The following FMN1 variants were observed in gnomAD, a reference collection of about 807,000 sequenced individuals.
FMN1 encodes the protein formin 1, also known as formin-1.
FMN1 carries 110 observed loss-of-function variants against 132.4 expected under a neutral mutation model. The observed-to-expected ratio is 0.83, with a 90% CI of 0.71 to 0.97. The LOEUF (loss-of-function observed/expected upper bound fraction) is 0.97, where lower values mean the gene tolerates loss of function less well. Among genes scored for constraint, FMN1 ranks in the 50% least tolerant of loss-of-function variants. The pLI is 0.00. For synonymous variants in FMN1, 722 were observed against 651.7 expected, an observed-to-expected ratio of 1.11 and a Z score of -1.64; for missense variants, 1,792 against 1,705.3, an observed-to-expected ratio of 1.05 and a Z score of -0.90.
At chr15:32,894,962 C>T (rs966555256) in intron 15 of FMN1, among the ~76,000 whole-genome samples, 1 of 152,124 alleles carries the variant, frequency 6.6e-6, no homozygotes, top group African/African-American at 2.4e-5. Flanking sequence ...ACTATATTCT[C>T]TCCTATACAC....
At chr15:32,845,279 A>C (rs1424498815) in intron 17 of FMN1, among the ~76,000 whole-genome samples, 2 of 152,202 alleles carry the variant, frequency 1.3e-5, no homozygotes, top group Non-Finnish European at 2.9e-5. Flanking sequence ...TGCAGAGCTC[A>C]ATACTGATTC....
intron 6 of FMN1, among the ~76,000 whole-genome samples, chr15:33,033,093 C>T (rs974634777): frequency 3.3e-5 from 5 of 151,894 alleles, no homozygotes; most frequent in Admixed American, 1.3e-4. Flanking sequence ...TGCAGTGGTA[C>T]GATCTCGGCT....
At chr15:32,891,043 G>A (rs1442403982) in intron 15 of FMN1, among the ~76,000 whole-genome samples, 1 of 152,146 alleles carries the variant, frequency 6.6e-6, no homozygotes, top group African/African-American at 2.4e-5. Flanking sequence ...AGATCAGTTG[G>A]CTGTAAGTAT....
intron 16 of FMN1, among the ~76,000 whole-genome samples, chr15:32,863,980 G>T (rs888842058): frequency 6.6e-6 from 1 of 152,166 alleles, no homozygotes; most frequent in Non-Finnish European, 1.5e-5. Flanking sequence ...ATTTTGGCTA[G>T]CAGCAATGCA....
chr15:33,099,723 G>A (rs962203984), intron 4 of FMN1, among the ~76,000 whole-genome samples: 5 of 152,138 alleles, frequency 3.3e-5, no homozygotes, highest in African/African-American at 1.2e-4. Flanking sequence ...ACCTGCAATT[G>A]GCATCCCCAT....
At chr15:33,037,964 G>A (rs1309833265) in intron 6 of FMN1, among the ~76,000 whole-genome samples, 1 of 152,168 alleles carries the variant, frequency 6.6e-6, no homozygotes, top group African/African-American at 2.4e-5. Context: ...GGTGGCTCAC[G>A]CCTATAACCA....
chr15:32,899,475 C>A (rs1486502691), intron 14 of FMN1, among the ~76,000 whole-genome samples: 9 of 152,172 alleles, frequency 5.9e-5, no homozygotes, highest in African/African-American at 1.9e-4. Context: ...TAGCTATGGG[C>A]TGATTGTTTC....
At chr15:32,845,924 G>A (rs1390656978) in intron 17 of FMN1, among the ~76,000 whole-genome samples, 2 of 151,604 alleles carry the variant, frequency 1.3e-5, no homozygotes, top group Non-Finnish European at 2.9e-5. Context: ...TAATGACACT[G>A]TGTACTAGAT....
chr15:33,009,520 G>A (rs1050383411), intron 6 of FMN1, among the ~76,000 whole-genome samples: 11 of 152,164 alleles, frequency 7.2e-5, no homozygotes, highest in Admixed American at 5.2e-4. Context: ...TGGCTTTCTT[G>A]CCATTCCTTG....
chr15:33,104,516 G>A (rs1307923164), intron 4 of FMN1, among the ~76,000 whole-genome samples: 1 of 152,036 alleles, frequency 6.6e-6, no homozygotes, highest in African/African-American at 2.4e-5. Flanking sequence ...TGTGGTTGGG[G>A]AAAATGATAC....
At chr15:33,086,387 T>A (rs1566903222) in intron 5 of FMN1, among the ~76,000 whole-genome samples, 2 of 151,424 alleles carry the variant, frequency 1.3e-5, no homozygotes, top group Non-Finnish European at 2.9e-5. Context: ...TATCAAATTG[T>A]ACAGTCGTCT....
chr15:32,829,802 A>G (rs1475115149), intron 17 of FMN1, among the ~76,000 whole-genome samples: 1 of 152,212 alleles, frequency 6.6e-6, no homozygotes, highest in Admixed American at 6.5e-5. Context: ...ACCAGCATAT[A>G]TAACCATGTT....
intron 8 of FMN1, among the ~76,000 whole-genome samples, chr15:32,967,322 G>A (rs1016218686): frequency 3.3e-5 from 5 of 152,224 alleles, no homozygotes; most frequent in African/African-American, 1.2e-4. Flanking sequence ...CTCAGGGAAG[G>A]AAGTGAAGGC....
chr15:33,137,163 T>C (rs1039381090), intron 4 of FMN1, among the ~76,000 whole-genome samples: 2 of 145,364 alleles, frequency 1.4e-5, no homozygotes, highest in Admixed American at 6.8e-5. Flanking sequence ...GAGAATCTGA[T>C]AACAATGTAT....
intron 4 of FMN1, among the ~76,000 whole-genome samples, chr15:33,105,444 A>T (rs569035001): frequency 3.3e-5 from 5 of 152,168 alleles, no homozygotes; most frequent in Admixed American, 6.5e-5. Flanking sequence ...GACTCCCATA[A>T]TATTATCTAG....
In FMN1 at chr15:33,048,391, A is replaced by G. The variant is rs568494212; in HGVS notation, c.2161+16566T>C. Among the ~76,000 whole-genome samples, 516 of 152,236 alleles carry G rather than the reference A, an allele frequency of 3.4e-3. 2 individuals are homozygous for G. The highest frequency in any genetic ancestry group is 9.4e-3 in the Admixed American group (144 of 15,282). On this transcript the variant is annotated intron_variant, in intron 6 of 20. Transcript: ENST00000616417. ...CTAAAGTAAAATAACTGGTTATTTA[A>G]TAAGACTGATGTTTAGGACAATTCA... is the stretch of plus-strand genomic sequence containing the variant.
At chr15:33,068,315 T>C (rs1438689238) in intron 5 of FMN1, among the ~76,000 whole-genome samples, 3 of 152,138 alleles carry the variant, frequency 2.0e-5, no homozygotes, top group Non-Finnish European at 4.4e-5. Context: ...ACTTCCTCAT[T>C]GGTGAGCAAG....
At chr15:32,930,695 G>T (rs1263124259) in intron 9 of FMN1, among the ~76,000 whole-genome samples, 1 of 150,802 alleles carries the variant, frequency 6.6e-6, no homozygotes, top group South Asian at 2.1e-4. Context: ...AGTCCCCTTT[G>T]TGCATCTGTT....
chr15:32,916,781 T>G (rs887156785), intron 10 of FMN1, among the ~76,000 whole-genome samples: 1 of 152,168 alleles, frequency 6.6e-6, no homozygotes, highest in African/African-American at 2.4e-5. Flanking sequence ...ATTATTTTGT[T>G]TACAATGTTA....
Sources: allele counts gnomAD v4.1 joint callset (sites outside exome capture counted in the v4.1 genomes callset), GRCh38; gene constraint gnomAD v4.1.1; transcripts MANE v1.5; gene names NCBI Gene and HGNC (gene_info 2026-07-23, HGNC 2026-07-21).